XKR3: variants seen among roughly 807,000 people sequenced by gnomAD.
XKR3 encodes the protein XK related 3.
In XKR3, 27 loss-of-function variants were observed where a neutral mutation model predicts 40.3. That is an observed-to-expected ratio of 0.67 (90% confidence interval 0.49 to 0.92). The LOEUF (loss-of-function observed/expected upper bound fraction) is 0.92. Among genes scored for constraint, XKR3 ranks in the 40% least tolerant of loss-of-function variants. The probability of loss-of-function intolerance (pLI) is 0.00; values close to 1 mark genes in which losing one functional copy is unlikely to be tolerated. For synonymous variants in XKR3, 193 were observed against 195.4 expected, an observed-to-expected ratio of 0.99 and a Z score of 0.10; for missense variants, 472 against 537.6, an observed-to-expected ratio of 0.88 and a Z score of 1.21.
intron 3 of XKR3, among the ~76,000 whole-genome samples, chr22:16,791,253 G>C (rs1435979163): frequency 2.0e-5 from 3 of 151,820 alleles, no homozygotes; most frequent in African/African-American, 7.3e-5. Context: ...GCAGCAACAG[G>C]GATGAACCTG....
chr22:16,810,321 C>T (rs1169053157), intron 1 of XKR3, among the ~76,000 whole-genome samples: 2 of 152,204 alleles, frequency 1.3e-5, no homozygotes, highest in Non-Finnish European at 2.9e-5. Context: ...TCCCATTTCA[C>T]CTGATAATAA....
intron 1 of XKR3, among the ~76,000 whole-genome samples, chr22:16,809,955 T>C (rs1418174537): frequency 2.0e-5 from 3 of 152,310 alleles, no homozygotes; most frequent in South Asian, 4.1e-4. Context: ...TCTCTTCATA[T>C]TGCCCAGGCT....
intron 3 of XKR3, among the ~76,000 whole-genome samples, chr22:16,793,835 C>G (rs1241673488): frequency 6.6e-6 from 1 of 152,080 alleles, no homozygotes; most frequent in East Asian, 1.9e-4. Context: ...GATGAAATAG[C>G]CACTTAAAGA....
chr22:16,799,831 G>GA lies in XKR3; in HGVS notation c.528dup (p.Pro177SerfsTer20). On this transcript the variant is annotated frameshift_variant, in exon 3 of 4. Coordinates refer to ENST00000684488, the MANE Select transcript of XKR3 (RefSeq NM_001386955.1). LOFTEE classifies it high-confidence loss of function. Reference sequence around the variant, plus strand: ...ATATACATCTGCAAAATTAATTGTGGAACAGAACCGAGAAAAGCCTGAATC... The same window carrying GA: ...ATATACATCTGCAAAATTAATTGTGGAAACAGAACCGAGAAAAGCCTGAATC... 1 of 1,614,026 alleles carries GA rather than the reference G, an allele frequency of 6.2e-7. No individual in the cohort carries two copies. The highest frequency in any genetic ancestry group is 8.5e-7 in the Non-Finnish European group (1 of 1,179,990).
At chr22:16,790,864 A>T in intron 3 of XKR3, among the ~76,000 whole-genome samples, 1 of 149,778 alleles carries the variant, frequency 6.7e-6, no homozygotes, top group Non-Finnish European at 1.5e-5. Flanking sequence ...AACAGCCATT[A>T]TTTAAAGAAT....
intron 3 of XKR3, among the ~76,000 whole-genome samples, chr22:16,786,913 T>C (rs1359318330): frequency 6.6e-6 from 1 of 152,150 alleles, no homozygotes; most frequent in Admixed American, 6.5e-5. Context: ...AGGTGCCAGT[T>C]GTGAGTGACC....
intron 1 of XKR3, among the ~76,000 whole-genome samples, chr22:16,822,026 C>A (rs1391077813): frequency 2.6e-5 from 4 of 151,970 alleles, no homozygotes; most frequent in East Asian, 1.9e-4. Flanking sequence ...ATTAATTTAT[C>A]AAATGGCTGT....
intron 1 of XKR3, among the ~76,000 whole-genome samples, chr22:16,812,016 AAAAC>A (rs2060214938): frequency 6.6e-6 from 1 of 152,290 alleles, no homozygotes; most frequent in East Asian, 1.9e-4. Context: ...CTCAAAAAAC[AAAAC>A]AAACAAAAAA....
intron 1 of XKR3, among the ~76,000 whole-genome samples, chr22:16,814,218 A>G (rs901777907): frequency 2.0e-5 from 3 of 152,180 alleles, no homozygotes; most frequent in Non-Finnish European, 4.4e-5. Context: ...GTGGTAAAAG[A>G]CAGGGTTCCA....
chr22:16,819,216 T>G (rs2060246091), intron 1 of XKR3, among the ~76,000 whole-genome samples: 1 of 152,178 alleles, frequency 6.6e-6, no homozygotes, highest in Non-Finnish European at 1.5e-5. Flanking sequence ...CTTCCCCAGC[T>G]TGATCTATAT....
intron 1 of XKR3, among the ~76,000 whole-genome samples, chr22:16,824,215 A>G (rs188624764): frequency 5.4e-4 from 82 of 152,312 alleles, no homozygotes; most frequent in Non-Finnish European, 1.0e-3. Flanking sequence ...AGAAGAGTAC[A>G]ATGAAGTACC....
chr22:16,809,745 G>GT (rs914280447), intron 1 of XKR3, among the ~76,000 whole-genome samples: 13 of 151,808 alleles, frequency 8.6e-5, no homozygotes, highest in African/African-American at 2.2e-4. Context: ...AAATATAATA[G>GT]TTTTTTTTTA....
At chr22:16,803,091 T>C (rs1400640397) in intron 2 of XKR3, among the ~76,000 whole-genome samples, 3 of 151,754 alleles carry the variant, frequency 2.0e-5, no homozygotes, top group African/African-American at 4.8e-5. Context: ...TATATATATA[T>C]ACACACACAA....
At position 16,799,969 on chromosome 22, in the gene XKR3, TCTC is replaced by T; in HGVS notation, c.388_390del (p.Glu130del). ...GTGATGCTAACTTGAGTCTCTTCCTTCTCCTGTTTAAGATTTTTCAACCATTTG... is the reference window on the plus strand; with the variant it reads ...GTGATGCTAACTTGAGTCTCTTCCTTCTGTTTAAGATTTTTCAACCATTTG... On this transcript the variant is annotated inframe_deletion, in exon 3 of 4. Coordinates refer to ENST00000684488, the MANE Select transcript of XKR3 (RefSeq NM_001386955.1). 1.2e-6 allele frequency: 2 copies of T among 1,614,112 alleles called. No homozygotes were observed. The highest frequency in any genetic ancestry group is 1.7e-6 in the Non-Finnish European group (2 of 1,179,996).
At chr22:16,785,161 CA>C (rs1263779440) in intron 3 of XKR3, among the ~76,000 whole-genome samples, 1 of 152,000 alleles carries the variant, frequency 6.6e-6, no homozygotes. Flanking sequence ...ACTAAAAATA[CA>C]AAAAATTAGC....
chr22:16,811,190 C>T (rs1029955097), intron 1 of XKR3, among the ~76,000 whole-genome samples: 3 of 149,904 alleles, frequency 2.0e-5, no homozygotes, highest in African/African-American at 7.4e-5. Context: ...GGCAGGATCT[C>T]GGCTCACCAC....
intron 3 of XKR3, among the ~76,000 whole-genome samples, chr22:16,791,556 A>C (rs2060115827): frequency 1.3e-5 from 2 of 151,960 alleles, no homozygotes; most frequent in South Asian, 4.2e-4. Context: ...AAAAAAAAAA[A>C]CAGATAACTA....
At chr22:16,793,328 G>A (rs1238432768) in intron 3 of XKR3, among the ~76,000 whole-genome samples, 1 of 152,146 alleles carries the variant, frequency 6.6e-6, no homozygotes, top group Admixed American at 6.5e-5. Flanking sequence ...ACTATTTTTT[G>A]AATTTGACAT....
chr22:16,792,861 T>C (rs2060126107), intron 3 of XKR3, among the ~76,000 whole-genome samples: 1 of 152,202 alleles, frequency 6.6e-6, no homozygotes, highest in Admixed American at 6.5e-5. Context: ...ACTTCCCTCT[T>C]AAACGCCAAA....
Sources: allele counts gnomAD v4.1 joint callset (sites outside exome capture counted in the v4.1 genomes callset), GRCh38; gene constraint gnomAD v4.1.1; transcripts MANE v1.5; gene names NCBI Gene and HGNC (gene_info 2026-07-23, HGNC 2026-07-21).